The following CPQ variants were observed in gnomAD, a reference collection of about 807,000 sequenced individuals.
The protein encoded by CPQ is Ser-Met dipeptidase.
Under a neutral mutation model 45.7 loss-of-function variants are expected in CPQ, and 37 were observed. The ratio of observed to expected loss-of-function variants is 0.81; its 90% CI spans 0.62 to 1.07. The LOEUF is 1.07. Ranked by LOEUF, CPQ falls within the 50% of genes least tolerant of loss-of-function variation. The pLI is 0.00. For missense variants in CPQ, 537 were observed against 572.9 expected (o/e 0.94, Z 0.64); for synonymous variants, 186 against 205.8 (o/e 0.90, Z 0.82).
At chr8:96,998,457 T>C (rs1029459095) in intron 5 of CPQ, among the ~76,000 whole-genome samples, 33 of 151,876 alleles carry the variant, frequency 2.2e-4, no homozygotes, top group African/African-American at 8.0e-4. Context: ...ACTGAAAATA[T>C]AAAAGATTTT....
At chr8:97,010,575 T>C (rs1809470989) in intron 5 of CPQ, among the ~76,000 whole-genome samples, 1 of 152,196 alleles carries the variant, frequency 6.6e-6, no homozygotes, top group South Asian at 2.1e-4. Flanking sequence ...CCAGCCTCAC[T>C]GCCTCACCAG....
At chr8:96,952,895 G>A (rs1813290014) in intron 4 of CPQ, among the ~76,000 whole-genome samples, 1 of 152,060 alleles carries the variant, frequency 6.6e-6, no homozygotes, top group Non-Finnish European at 1.5e-5. Context: ...TCCCCTAAAA[G>A]CTGGTATTGA....
At chr8:96,819,716 A>C (rs1215574227) in intron 2 of CPQ, among the ~76,000 whole-genome samples, 2 of 152,060 alleles carry the variant, frequency 1.3e-5, no homozygotes, top group Non-Finnish European at 2.9e-5. Context: ...GATCATCCCA[A>C]AAAACTGTTG....
At chr8:96,691,028 A>G (rs2514778) in intron 1 of CPQ, among the ~76,000 whole-genome samples, 104,096 of 152,112 alleles carry the variant, frequency 0.68, 36,014 homozygotes, top group African/African-American at 0.75. Context: ...ATGTACAGAA[A>G]TTGGTTGTAT....
At chr8:96,930,014 C>T (rs748203956) in intron 4 of CPQ, among the ~76,000 whole-genome samples, 41 of 152,240 alleles carry the variant, frequency 2.7e-4, no homozygotes, top group Admixed American at 7.2e-4. Flanking sequence ...GAATTTTGTC[C>T]TCTCTGAACT....
intron 4 of CPQ, among the ~76,000 whole-genome samples, chr8:96,931,858 AACAG>A (rs992503227): frequency 8.9e-4 from 136 of 152,318 alleles, no homozygotes; most frequent in Middle Eastern, 3.4e-3. Flanking sequence ...GAAAGATTTG[AACAG>A]ACAAAGATCT....
intron 1 of CPQ, among the ~76,000 whole-genome samples, chr8:96,768,125 G>A (rs1044513396): frequency 6.6e-6 from 1 of 151,570 alleles, no homozygotes; most frequent in Non-Finnish European, 1.5e-5. Flanking sequence ...TCTTGCTTCC[G>A]CCACTTCCTA....
chr8:96,716,311 T>C (rs1809672178), intron 1 of CPQ, among the ~76,000 whole-genome samples: 1 of 152,176 alleles, frequency 6.6e-6, no homozygotes, highest in African/African-American at 2.4e-5. Flanking sequence ...AGATTTATTT[T>C]TTATTTATTT....
intron 6 of CPQ, among the ~76,000 whole-genome samples, chr8:97,033,917 A>C (rs1809952414): frequency 6.6e-6 from 1 of 152,202 alleles, no homozygotes; most frequent in Non-Finnish European, 1.5e-5. Context: ...TATGCAGAAA[A>C]TATAAAATAG....
chr8:97,029,336 C>A, intron 5 of CPQ, 67 bp from the exon 6 acceptor site: 3 of 1,451,476 alleles, frequency 2.1e-6, no homozygotes, highest in African/African-American at 1.4e-5. Context: ...GATGAGGGAC[C>A]CTGCCATTTT....
At chr8:96,926,576 C>CTCTTCT (rs60745622) in intron 4 of CPQ, among the ~76,000 whole-genome samples, 4,253 of 74,948 alleles carry the variant, frequency 0.057, 205 homozygotes, top group South Asian at 0.088. Flanking sequence ...CTTCCTCTTC[C>CTCTTCT]TCTTCTTCTT....
At chr8:96,838,518 G>A (rs1586421147) in intron 3 of CPQ, among the ~76,000 whole-genome samples, 1 of 152,118 alleles carries the variant, frequency 6.6e-6, no homozygotes, top group Admixed American at 6.6e-5. Context: ...TGGGCAGAAT[G>A]CTATTACATG....
chr8:96,663,944 T>TA (rs990344066), intron 1 of CPQ, among the ~76,000 whole-genome samples: 54 of 151,546 alleles, frequency 3.6e-4, no homozygotes, highest in Non-Finnish European at 5.6e-4. Context: ...GTTTATAAAT[T>TA]AAAAAAAAAC....
At chr8:96,866,473 A>G (rs1052120041) in intron 3 of CPQ, among the ~76,000 whole-genome samples, 2 of 152,072 alleles carry the variant, frequency 1.3e-5, no homozygotes, top group African/African-American at 2.4e-5. Context: ...CTATTTTGCT[A>G]TATTTAAAAG....
chr8:96,915,919 G>A (rs1034597813), intron 4 of CPQ, among the ~76,000 whole-genome samples: 4 of 152,042 alleles, frequency 2.6e-5, no homozygotes, highest in South Asian at 2.1e-4. Flanking sequence ...TTTTCTTCTC[G>A]TTTCTGCCTG....
chr8:96,675,648 G>A (rs112642781), intron 1 of CPQ, among the ~76,000 whole-genome samples: 3,685 of 151,978 alleles, frequency 0.024, 166 homozygotes, highest in African/African-American at 0.084. Flanking sequence ...AATTGTACAC[G>A]CCCAGCAGCA....
chr8:96,926,576 C>CTTCTTCTTCTTCTTCTTCTTCTTCTTCT lies in CPQ; in HGVS notation c.850-39358_850-39357insTCTTCTTCTTCTTCTTCTTCTTCTTCTT, dbSNP rs1812882233. Among the ~76,000 whole-genome samples the CTTCTTCTTCTTCTTCTTCTTCTTCTTCT allele has an allele frequency of 2.0e-4, 15 of 75,040 alleles. 1 individual carries two copies. The highest frequency in any genetic ancestry group is 6.5e-4 in the African/African-American group (8 of 12,268). 49.2% of individuals were successfully genotyped at this position (75,040 alleles called of 152,430 possible). A position where few individuals can be genotyped will look rare whatever the true frequency, so the allele number is the denominator to read the frequency against. Reference sequence around the variant, plus strand: ...CCTCTTCCTCTTCCTCTTCCTCTTCCTCTTCTTCTTCTTCTTCTTCTTCTT... The same window carrying CTTCTTCTTCTTCTTCTTCTTCTTCTTCT: ...CCTCTTCCTCTTCCTCTTCCTCTTCCTTCTTCTTCTTCTTCTTCTTCTTCTTCTTCTTCTTCTTCTTCTTCTTCTTCTT... On this transcript the variant is annotated intron_variant, in intron 4 of 7. Coordinates refer to ENST00000220763, the MANE Select transcript of CPQ (RefSeq NM_016134.4).
intron 1 of CPQ, among the ~76,000 whole-genome samples, chr8:96,721,285 G>A (rs1809760756): frequency 6.6e-6 from 1 of 151,870 alleles, no homozygotes; most frequent in African/African-American, 2.4e-5. Flanking sequence ...ACTGTGGTTG[G>A]GAGTTGTCCT....
intron 1 of CPQ, among the ~76,000 whole-genome samples, chr8:96,778,607 A>G (rs577407419): frequency 4.3e-4 from 65 of 152,166 alleles, no homozygotes; most frequent in Admixed American, 2.2e-3. Flanking sequence ...TTTTAAATTA[A>G]CCTACTTTTA....
Sources: gnomAD v4.1 joint callset for allele counts (sites outside exome capture counted in the v4.1 genomes callset) on GRCh38, gnomAD v4.1.1 for gene constraint, MANE v1.5 for transcripts, NCBI Gene and HGNC (gene_info 2026-07-23, HGNC 2026-07-21) for gene names.